The following NOX4 variants were observed in gnomAD, a reference collection of about 807,000 sequenced individuals.
NOX4 encodes the protein NADPH oxidase 4.
NOX4 carries 69 observed loss-of-function variants against 87.6 expected under a neutral mutation model. The observed-to-expected ratio is 0.79, with a 90% CI of 0.65 to 0.96. NOX4 has a LOEUF of 0.96. Among genes scored for constraint, NOX4 ranks in the 40% least tolerant of loss-of-function variants. NOX4 has a pLI of 0.00. For synonymous variants in NOX4, 275 were observed against 238.2 expected, an observed-to-expected ratio of 1.15 and a Z score of -1.42; for missense variants, 680 against 681.5, an observed-to-expected ratio of 1.00 and a Z score of 0.02.
chr11:89,388,407 C>T (rs1331491285), intron 11 of NOX4, among the ~76,000 whole-genome samples: 1 of 152,092 alleles, frequency 6.6e-6, no homozygotes, highest in Non-Finnish European at 1.5e-5. Context: ...ATCTCAAATC[C>T]AATGACTGGT....
chr11:89,563,537 C>T, the NOX4 span, among the ~76,000 whole-genome samples: 1 of 152,262 alleles, frequency 6.6e-6, no homozygotes, highest in East Asian at 1.9e-4. Context: ...TTTCCAAATG[C>T]TTTCTGACAA....
chr11:89,471,082 A>G (rs909596037), intron 2 of NOX4, among the ~76,000 whole-genome samples: 3 of 152,108 alleles, frequency 2.0e-5, no homozygotes, highest in Non-Finnish European at 4.4e-5. Context: ...CTCCACCCTC[A>G]CTTATAACTC....
chr11:89,419,239 A>G, intron 8 of NOX4, among the ~76,000 whole-genome samples: 1 of 152,032 alleles, frequency 6.6e-6, no homozygotes, highest in East Asian at 1.9e-4. Context: ...GACCTAAAGC[A>G]TACTGTTGAA....
At chr11:89,536,749 C>G in the NOX4 span, among the ~76,000 whole-genome samples, 1 of 152,080 alleles carries the variant, frequency 6.6e-6, no homozygotes, top group South Asian at 2.1e-4. Flanking sequence ...TGATTATGAA[C>G]AGCTAGATAC....
At chr11:89,456,397 G>A (rs371469985) in intron 2 of NOX4, among the ~76,000 whole-genome samples, 2 of 152,118 alleles carry the variant, frequency 1.3e-5, no homozygotes, top group African/African-American at 2.4e-5. Context: ...TGAAAAGAAA[G>A]TAGGACAAGA....
At chr11:89,365,166 G>A (rs1938858831) in intron 12 of NOX4, among the ~76,000 whole-genome samples, 1 of 152,026 alleles carries the variant, frequency 6.6e-6, no homozygotes. Flanking sequence ...AAGGTCTGAA[G>A]GTAGACAATG....
intron 11 of NOX4, among the ~76,000 whole-genome samples, chr11:89,382,771 A>T (rs1940393266): frequency 6.6e-6 from 1 of 152,006 alleles, no homozygotes; most frequent in Non-Finnish European, 1.5e-5. Context: ...TTGTTCTGTG[A>T]CTAGCCCTCC....
intron 12 of NOX4, among the ~76,000 whole-genome samples, chr11:89,373,034 T>C (rs1708334675): frequency 6.6e-6 from 1 of 151,720 alleles, no homozygotes; most frequent in African/African-American, 2.4e-5. Flanking sequence ...CCACAAAAAA[T>C]GTCATGCAAG....
chr11:89,380,892 T>C (rs528521667), intron 11 of NOX4, among the ~76,000 whole-genome samples: 12 of 152,286 alleles, frequency 7.9e-5, no homozygotes, highest in Non-Finnish European at 1.5e-4. Context: ...AATAAAATTA[T>C]GAAAACATAG....
Position 89,400,062 on chromosome 11 carries a change from A to G in NOX4, c.1029T>C (p.Cys343=). 2 of 1,606,628 alleles carry G rather than the reference A, an allele frequency of 1.2e-6. No homozygotes were observed. Among genetic ancestry groups the G allele is most frequent in the Non-Finnish European group, 1.7e-6 (2 of 1,174,360 alleles). Residue 343 remains cysteine (C), a synonymous_variant, in exon 11 of 18, where the codon TGT becomes TGC. Coordinates refer to ENST00000263317, the MANE Select transcript of NOX4 (RefSeq NM_016931.5). ...GATTTTCTAATGCAGATACACTGGG[A>G]CAATGTAGAGTAATATACTAAAAAG... ...ARPGQYITLH[C]PSVSALENHP...
chr11:89,459,228 A>C (rs886571370), intron 2 of NOX4, among the ~76,000 whole-genome samples: 4 of 152,122 alleles, frequency 2.6e-5, no homozygotes, highest in Admixed American at 2.6e-4. Context: ...TCTCACTTAA[A>C]AATTGAGAGC....
intron 4 of NOX4, among the ~76,000 whole-genome samples, chr11:89,448,882 C>CA (rs111656944): frequency 0.015 from 2,268 of 151,992 alleles, 62 homozygotes; most frequent in African/African-American, 0.052. Context: ...GGCCCTGTTT[C>CA]AAAAAAATAA....
the NOX4 span, among the ~76,000 whole-genome samples, chr11:89,531,930 G>T: frequency 1.3e-5 from 2 of 152,346 alleles, no homozygotes; most frequent in Admixed American, 6.5e-5. Flanking sequence ...TCAGGCCATT[G>T]CTTCAGAGAG....
the NOX4 span, among the ~76,000 whole-genome samples, chr11:89,588,848 G>A: frequency 3.6e-3 from 551 of 152,256 alleles, 4 homozygotes; most frequent in African/African-American, 0.013. Flanking sequence ...AGAGGATACA[G>A]ATTATACTGT....
chr11:89,400,160 C>A, intron 10 of NOX4, 55 bp downstream of exon 10: 2 of 1,584,144 alleles, frequency 1.3e-6, no homozygotes, highest in East Asian at 4.5e-5. Flanking sequence ...TTGCTAAATT[C>A]CAAAAATTAC....
chr11:89,419,261 A>G (rs541018938), intron 8 of NOX4, among the ~76,000 whole-genome samples: 1 of 152,188 alleles, frequency 6.6e-6, no homozygotes, highest in Non-Finnish European at 1.5e-5. Flanking sequence ...AGAAATTTCA[A>G]TATAAATCCA....
chr11:89,356,974 A>C (rs957588948), intron 12 of NOX4, among the ~76,000 whole-genome samples: 1 of 152,182 alleles, frequency 6.6e-6, no homozygotes. Context: ...GATAGTATGC[A>C]AAGCTAACAC....
At chr11:89,336,872 A>C (rs1945735224) in intron 16 of NOX4, among the ~76,000 whole-genome samples, 1 of 152,044 alleles carries the variant, frequency 6.6e-6, no homozygotes, top group Non-Finnish European at 1.5e-5. Context: ...AAGTACTAAA[A>C]TAAAATTTGT....
the NOX4 span, among the ~76,000 whole-genome samples, chr11:89,537,493 T>C: frequency 2.0e-3 from 305 of 152,110 alleles, no homozygotes; most frequent in African/African-American, 6.5e-3. Context: ...CCCTTTTATA[T>C]ATGGTATATA....
Sources: allele counts gnomAD v4.1 joint callset (sites outside exome capture counted in the v4.1 genomes callset), GRCh38; gene constraint gnomAD v4.1.1; transcripts MANE v1.5; gene names NCBI Gene and HGNC (gene_info 2026-07-23, HGNC 2026-07-21).